The following LRCH2 variants were observed in gnomAD, a reference collection of about 807,000 sequenced individuals.
LRCH2 encodes the protein leucine-rich repeat and calponin homology domain-containing protein 2.
In LRCH2, 38 loss-of-function variants were observed where a neutral mutation model predicts 68.9. The observed-to-expected ratio is 0.55, with a 90% CI of 0.43 to 0.72. The LOEUF (loss-of-function observed/expected upper bound fraction) is 0.72, where lower values mean the gene tolerates loss of function less well. Among genes scored for constraint, LRCH2 ranks in the 30% least tolerant of loss-of-function variants. The pLI is 0.00. For synonymous variants in LRCH2, 191 were observed against 208.1 expected (o/e 0.92, Z 0.71); for missense variants, 528 against 572.9 (o/e 0.92, Z 0.80).
Position 115,202,105 on chromosome X carries a change from C to T in LRCH2, c.350-13735G>A, listed in dbSNP as rs182219222. ...AAGCAATCTACAGGTTCAATGCAAT[C>T]CCTACCAAAATACCAACATCATTTT... is the stretch of plus-strand genomic sequence containing the variant. On this transcript the variant is annotated intron_variant, in intron 1 of 20. Transcript: ENST00000317135. 2.2e-4 allele frequency among the ~76,000 whole-genome samples: 25 copies of T among 111,829 alleles called. No individual in the cohort carries two copies. The South Asian group carries it at 2.3e-3, about 10-fold the overall frequency.
intron 1 of LRCH2, chrX:115,198,852 A>C (rs2072910479): frequency 8.9e-6 from 1 of 112,182 alleles, no homozygotes; most frequent in African/African-American, 3.2e-5. Context: ...CTACATAAGG[A>C]AACTCCATTA....
intron 14 of LRCH2, among the ~76,000 whole-genome samples, chrX:115,144,570 A>AC (rs1403220634): frequency 1.8e-5 from 2 of 111,029 alleles, no homozygotes; most frequent in Non-Finnish European, 3.8e-5. Context: ...TCCACCAAAA[A>AC]AAAAAAAATA....
At chrX:115,183,451 T>G (rs781891462) in intron 3 of LRCH2, among the ~76,000 whole-genome samples, 114 of 111,285 alleles carry the variant, frequency 1.0e-3, no homozygotes, top group Admixed American at 2.4e-3. Context: ...TGCCAGCACT[T>G]TGGGAGGCCG....
chrX:115,137,812 G>C, intron 14 of LRCH2, among the ~76,000 whole-genome samples: 1 of 111,077 alleles, frequency 9.0e-6, no homozygotes, highest in Non-Finnish European at 1.9e-5. Context: ...AGCCGGGTGT[G>C]GTGGAGGGTG....
Position 115,149,926 on chromosome X carries a change from C to T in LRCH2, c.1596G>A (p.Lys532=). 1 of 1,196,238 alleles carries T rather than the reference C, an allele frequency of 8.4e-7. No homozygotes were observed. Among genetic ancestry groups the T allele is most frequent in the East Asian group, 3.0e-5 (1 of 33,570 alleles). ...GCCACGGTTGTTCATCTATTTGATC[C>T]TTCTGATTTTCTAAGGGCTATAATG... ...PLTWQPLENQ[K]DQIDEQPWPE... is the part of the protein sequence containing the mutation. The change falls in exon 14 of 21, where the codon AAG becomes AAA. Residue 532 remains lysine, a synonymous_variant. Transcript: ENST00000317135.
At chrX:115,214,344 G>A (rs1556570852) in intron 1 of LRCH2, among the ~76,000 whole-genome samples, 1 of 112,155 alleles carries the variant, frequency 8.9e-6, no homozygotes, top group African/African-American at 3.2e-5. Flanking sequence ...ACTGGATGGA[G>A]CCTGATGGGA....
rs1210976429 is a variant in LRCH2 at position 115,112,163 on chromosome X, A to G, written c.*1053T>C. On this transcript the variant is annotated 3_prime_UTR_variant, in exon 21 of 21. Transcript: ENST00000317135. Reference sequence around the variant, plus strand: ...ATGGCCAGATTTTGAGTAAAAACCTATTCCTCAACTGCTGCTCTCTGAGTA... The same window carrying G: ...ATGGCCAGATTTTGAGTAAAAACCTGTTCCTCAACTGCTGCTCTCTGAGTA... 1 of 111,512 alleles carries G rather than the reference A, an allele frequency of 9.0e-6. No individual in the cohort carries two copies. The highest frequency in any genetic ancestry group is 1.9e-5 in the Non-Finnish European group (1 of 52,951). 9.2% of individuals were successfully genotyped at this position (111,512 alleles called of 1,213,427 possible). A position where few individuals can be genotyped will look rare whatever the true frequency, so the allele number is the denominator to read the frequency against.
In LRCH2 at chrX:115,119,249, T is replaced by C. The variant is rs1257803396; in HGVS notation, c.2178+3278A>G. Among the ~76,000 whole-genome samples the C allele has an allele frequency of 1.7e-4, 19 of 110,154 alleles. 1 individual carries two copies. Among genetic ancestry groups the C allele is most frequent in the African/African-American group, 5.3e-4 (16 of 30,173 alleles). The stretch of plus-strand genomic sequence containing the variant: ...AAATTGTCCCTGTTTGCAGACCACA[T>C]GATTGTATATCTAGAAAACCCCATT... On this transcript the variant is annotated intron_variant, in intron 20 of 20. Transcript: ENST00000317135.
chrX:115,225,280 GA>G (rs2073111274), intron 1 of LRCH2, among the ~76,000 whole-genome samples: 1 of 111,419 alleles, frequency 9.0e-6, no homozygotes, highest in South Asian at 3.7e-4. Flanking sequence ...AGGAGAATGG[GA>G]CAGAGAGACA....
chrX:115,118,934 T>C lies in LRCH2; in HGVS notation c.2178+3593A>G, dbSNP rs1233682947. 3.6e-5 allele frequency among the ~76,000 whole-genome samples: 4 copies of C among 111,640 alleles called. No homozygotes were observed. In the East Asian group the frequency reaches 8.5e-4, roughly 24 times the overall value. The stretch of plus-strand genomic sequence containing the variant: ...GACAAAAACCACATGATTATCGCAA[T>C]AGATGCAGAAAAGAACTTTGACAAA... On this transcript the variant is annotated intron_variant, in intron 20 of 20. Coordinates refer to ENST00000317135, the MANE Select transcript of LRCH2 (RefSeq NM_020871.4).
At chrX:115,118,189 G>A in intron 20 of LRCH2, among the ~76,000 whole-genome samples, 1 of 109,763 alleles carries the variant, frequency 9.1e-6, no homozygotes, top group Non-Finnish European at 1.9e-5. Context: ...TCTAAAAAAA[G>A]GGTTTTTTTT....
chrX:115,161,953 T>A (rs1276963160), intron 11 of LRCH2, among the ~76,000 whole-genome samples: 1 of 82,667 alleles, frequency 1.2e-5, no homozygotes, highest in Non-Finnish European at 2.2e-5. Context: ...TTTTTTGAGA[T>A]CTGTCACCCA....
chrX:115,161,581 C>T (rs782669474), intron 11 of LRCH2, among the ~76,000 whole-genome samples: 131 of 111,052 alleles, frequency 1.2e-3, no homozygotes, highest in Non-Finnish European at 1.7e-3. Flanking sequence ...TTAGGGAGAA[C>T]ATATAATTTT....
At chrX:115,159,011 T>C (rs2072496122) in intron 11 of LRCH2, among the ~76,000 whole-genome samples, 1 of 111,797 alleles carries the variant, frequency 8.9e-6, no homozygotes, top group Non-Finnish European at 1.9e-5. Flanking sequence ...TTCAACAGAA[T>C]TTCCTTTTTT....
At position 115,122,914 on chromosome X, in the gene LRCH2, A is replaced by G. The variant is rs782486765; in HGVS notation, c.1963-17T>C. On this transcript the variant is annotated splice_polypyrimidine_tract_variant and intron_variant, in intron 18 of 20. Transcript: ENST00000317135. ...TTCAAGATTCTATAGAAAAACAGGT[A>G]TAAATCAGATACTCTATCTAAACAT... The G allele has an allele frequency of 9.3e-6, 11 of 1,177,955 alleles. No individual in the cohort carries two copies. The highest frequency in any genetic ancestry group is 1.0e-5 in the Non-Finnish European group (9 of 870,024).
At chrX:115,191,324 G>A in intron 1 of LRCH2, 3 of 1,148,549 alleles carry the variant, frequency 2.6e-6, no homozygotes, top group Non-Finnish European at 3.5e-6. Flanking sequence ...GGAGGAGGAG[G>A]CCGCTACGAG....
rs199932185 is a variant in LRCH2 at position 115,190,302 on chromosome X, C to T, written c.350-1932G>A. On this transcript the variant is annotated intron_variant, in intron 1 of 20. Coordinates refer to ENST00000317135, the MANE Select transcript of LRCH2 (RefSeq NM_020871.4). ...GCAACCAAAATGGCTACAGGGGTCG[C>T]GACCATGAGTACACAGATCATCCCA... The T allele has an allele frequency of 2.5e-3, 2,884 of 1,150,471 alleles. 3 individuals are homozygous for T. Among genetic ancestry groups the T allele is most frequent in the Non-Finnish European group, 3.0e-3 (2,581 of 863,347 alleles). 94.8% of individuals were successfully genotyped at this position (1,150,471 alleles called of 1,213,427 possible). A position where few individuals can be genotyped will look rare whatever the true frequency, so the allele number is the denominator to read the frequency against.
Position 115,170,770 on chromosome X carries a change from T to C in LRCH2, c.865-338A>G, listed in dbSNP as rs188604090. Among the ~76,000 whole-genome samples the C allele has an allele frequency of 3.4e-3, 376 of 112,044 alleles. 2 individuals are homozygous for C. The highest frequency in any genetic ancestry group is 5.4e-3 in the Non-Finnish European group (285 of 53,080). ...TTTATTTGAAAAAATGAAAAATATA[T>C]ATTCATTGGAATGGTAAGAAAAGAA... On this transcript the variant is annotated intron_variant, in intron 5 of 20. Coordinates refer to ENST00000317135, the MANE Select transcript of LRCH2 (RefSeq NM_020871.4).
At chrX:115,166,612 TGCCTTGTTA>T (rs782062668) in intron 6 of LRCH2, among the ~76,000 whole-genome samples, 1 of 111,206 alleles carries the variant, frequency 9.0e-6, no homozygotes, top group Admixed American at 9.6e-5. Context: ...AAAATCAGGC[TGCCTTGTTA>T]GAACATTATC....
Sources: allele counts gnomAD v4.1 joint callset (sites outside exome capture counted in the v4.1 genomes callset), GRCh38; gene constraint gnomAD v4.1.1; transcripts MANE v1.5; gene names NCBI Gene and HGNC (gene_info 2026-07-23, HGNC 2026-07-21).